GRID2: variants seen among roughly 807,000 people sequenced by gnomAD.
The protein encoded by GRID2 is glutamate ionotropic receptor delta type subunit 2.
In GRID2, 33 loss-of-function variants were observed where a neutral mutation model predicts 114.8. The observed-to-expected ratio is 0.29, with a 90% CI of 0.22 to 0.38. GRID2 has a LOEUF of 0.38. Among genes scored for constraint, GRID2 ranks in the 10% least tolerant of loss-of-function variants. The pLI, the probability that GRID2 is intolerant of heterozygous loss-of-function variation, is 1.00. For synonymous variants in GRID2, 505 were observed against 449.9 expected (o/e 1.12, Z -1.55); for missense variants, 1,184 against 1,257.7 (o/e 0.94, Z 0.89).
chr4:92,617,360 T>C (rs540569617), intron 2 of GRID2, among the ~76,000 whole-genome samples: 2 of 151,764 alleles, frequency 1.3e-5, no homozygotes, highest in African/African-American at 4.8e-5. Flanking sequence ...TTTGTCCTAA[T>C]GCTCTCCCTC....
intron 2 of GRID2, among the ~76,000 whole-genome samples, chr4:92,747,661 G>A (rs1187218487): frequency 6.6e-6 from 1 of 152,066 alleles, no homozygotes; most frequent in African/African-American, 2.4e-5. Flanking sequence ...CAAGAAAAGA[G>A]ACTATTACAA....
chr4:93,060,151 G>A (rs929825644), intron 2 of GRID2, among the ~76,000 whole-genome samples: 5 of 152,056 alleles, frequency 3.3e-5, no homozygotes, highest in Admixed American at 2.0e-4. Context: ...ACCTCCCTGC[G>A]TGTGTAATTT....
Position 92,511,487 on chromosome 4 carries a change from A to AG in GRID2, c.89-78640dup, listed in dbSNP as rs1156773195. Among the ~76,000 whole-genome samples, 10 of 152,000 alleles carry AG rather than the reference A, an allele frequency of 6.6e-5. No homozygotes were observed. In the East Asian group the frequency reaches 1.8e-3, roughly 27 times the overall value. On this transcript the variant is annotated intron_variant, in intron 1 of 15. Transcript: ENST00000282020. ...AATCTGGTACACTTCTGAAAATGAAAGGGGTCACTATTAGTTACATCTAAA... is the reference window on the plus strand; with the variant it reads ...AATCTGGTACACTTCTGAAAATGAAAGGGGGTCACTATTAGTTACATCTAAA...
At chr4:92,367,186 CCT>C (rs1728909152) in intron 1 of GRID2, among the ~76,000 whole-genome samples, 1 of 152,028 alleles carries the variant, frequency 6.6e-6, no homozygotes, top group African/African-American at 2.4e-5. Flanking sequence ...TTAGTTTTAA[CCT>C]CCATGGATGA....
intron 2 of GRID2, among the ~76,000 whole-genome samples, chr4:92,953,127 A>G (rs901177694): frequency 6.6e-6 from 1 of 152,114 alleles, no homozygotes; most frequent in Non-Finnish European, 1.5e-5. Flanking sequence ...TAATGATCTC[A>G]CCTTTATTTG....
At chr4:92,340,016 A>G (rs1346139065) in intron 1 of GRID2, among the ~76,000 whole-genome samples, 1 of 152,198 alleles carries the variant, frequency 6.6e-6, no homozygotes, top group African/African-American at 2.4e-5. Flanking sequence ...GAAAACTGGG[A>G]AAAAATATTG....
chr4:93,020,926 G>A (rs1165895891), intron 2 of GRID2, among the ~76,000 whole-genome samples: 1 of 151,838 alleles, frequency 6.6e-6, no homozygotes, highest in Non-Finnish European at 1.5e-5. Context: ...CAGCTACTCC[G>A]TAGGGTGAGG....
chr4:93,168,333 A>G (rs1738461724), intron 4 of GRID2, among the ~76,000 whole-genome samples: 1 of 152,124 alleles, frequency 6.6e-6, no homozygotes, highest in Non-Finnish European at 1.5e-5. Context: ...TTTCAAATTC[A>G]CCATAATAAA....
chr4:92,676,164 C>A (rs1330833051), intron 2 of GRID2, among the ~76,000 whole-genome samples: 3 of 93,758 alleles, frequency 3.2e-5, no homozygotes, highest in Non-Finnish European at 7.3e-5. Context: ...AAGCCCCCCC[C>A]CCCCCCTTTT....
intron 8 of GRID2, among the ~76,000 whole-genome samples, chr4:93,346,974 C>T (rs1054986249): frequency 6.6e-6 from 1 of 152,132 alleles, no homozygotes; most frequent in Non-Finnish European, 1.5e-5. Context: ...AATTTTCCTG[C>T]CCTGCTCCTA....
At chr4:93,362,901 G>A (rs1762006754) in intron 8 of GRID2, among the ~76,000 whole-genome samples, 1 of 152,012 alleles carries the variant, frequency 6.6e-6, no homozygotes, top group South Asian at 2.1e-4. Context: ...ACTTGGATTA[G>A]GCAATTTATT....
chr4:92,749,106 GC>G (rs1737305817), intron 2 of GRID2, among the ~76,000 whole-genome samples: 1 of 151,584 alleles, frequency 6.6e-6, no homozygotes, highest in South Asian at 2.1e-4. Flanking sequence ...CGATTCTCCT[GC>G]CTAAGCCGCC....
Position 93,196,706 on chromosome 4 carries a change from T to G in GRID2, c.736-10698T>G, listed in dbSNP as rs137897367. 8.5e-3 allele frequency among the ~76,000 whole-genome samples: 1,294 copies of G among 152,288 alleles called. 12 individuals carry two copies. The highest frequency in any genetic ancestry group is 0.024 in the African/African-American group (1,016 of 41,580). On this transcript the variant is annotated intron_variant, in intron 4 of 15. Coordinates refer to ENST00000282020, the MANE Select transcript of GRID2 (RefSeq NM_001510.4). ...TAATTAACTGTCTAACTACAGAAACTAGATGCTTAATTGCCATGTTGCTTT... is the reference window on the plus strand; with the variant it reads ...TAATTAACTGTCTAACTACAGAAACGAGATGCTTAATTGCCATGTTGCTTT...
chr4:92,630,270 A>G (rs1474552024), intron 2 of GRID2, among the ~76,000 whole-genome samples: 1 of 152,078 alleles, frequency 6.6e-6, no homozygotes, highest in African/African-American at 2.4e-5. Flanking sequence ...TTATTTCTCC[A>G]TCCTTGTACT....
At chr4:93,798,820 G>A (rs549149126) in intron 1 of GRID2, among the ~76,000 whole-genome samples, 2 of 152,296 alleles carry the variant, frequency 1.3e-5, no homozygotes, top group South Asian at 4.1e-4. Context: ...ACTGGACCAG[G>A]AGGCCAGAGC....
At chr4:92,329,373 A>T (rs922503011) in intron 1 of GRID2, among the ~76,000 whole-genome samples, 1 of 152,000 alleles carries the variant, frequency 6.6e-6, no homozygotes, top group Admixed American at 6.6e-5. Context: ...TCCCTATTTT[A>T]GCTTCCCCAG....
intron 8 of GRID2, among the ~76,000 whole-genome samples, chr4:93,247,161 C>CA (rs1408194393): frequency 4.6e-5 from 7 of 152,072 alleles, no homozygotes; most frequent in African/African-American, 1.7e-4. Context: ...ATTCTGTGTC[C>CA]AAGTCTTGGT....
chr4:93,636,873 T>C (rs1163912618), intron 14 of GRID2, among the ~76,000 whole-genome samples: 4 of 152,152 alleles, frequency 2.6e-5, no homozygotes, highest in Admixed American at 6.6e-5. Flanking sequence ...GTTAAAACCA[T>C]GCCCTGGAGA....
At chr4:92,620,250 T>C (rs1730204454) in intron 2 of GRID2, among the ~76,000 whole-genome samples, 1 of 151,764 alleles carries the variant, frequency 6.6e-6, no homozygotes, top group African/African-American at 2.4e-5. Flanking sequence ...GATTTATAGA[T>C]GTGCTTCAGG....
Sources: allele counts gnomAD v4.1 joint callset (sites outside exome capture counted in the v4.1 genomes callset), GRCh38; gene constraint gnomAD v4.1.1; transcripts MANE v1.5; gene names NCBI Gene and HGNC (gene_info 2026-07-23, HGNC 2026-07-21).